The following NAB1 variants were observed in gnomAD, a reference collection of about 807,000 sequenced individuals.
NAB1 encodes NGFI-A binding protein 1.
Under a neutral mutation model 49.9 loss-of-function variants are expected in NAB1, and 25 were observed. The observed-to-expected ratio is 0.50, with a 90% CI of 0.37 to 0.70. The LOEUF (loss-of-function observed/expected upper bound fraction) is 0.70. NAB1 is among the 30% of genes least tolerant of loss of function. The probability of loss-of-function intolerance (pLI) is 0.00; values close to 1 mark genes in which losing one functional copy is unlikely to be tolerated. For missense variants in NAB1, 489 were observed against 575.9 expected, an observed-to-expected ratio of 0.85 and a Z score of 1.54; for synonymous variants, 198 against 215.6, an observed-to-expected ratio of 0.92 and a Z score of 0.71.
At chr2:190,660,240 A>G (rs1261996330) in intron 4 of NAB1, among the ~76,000 whole-genome samples, 1 of 152,242 alleles carries the variant, frequency 6.6e-6, no homozygotes, top group East Asian at 1.9e-4. Context: ...GACTTTTAGA[A>G]AAATGTCAGA....
chr2:190,658,154 GTTTC>G (rs1424377883), intron 3 of NAB1, among the ~76,000 whole-genome samples: 1 of 152,162 alleles, frequency 6.6e-6, no homozygotes, highest in East Asian at 1.9e-4. Flanking sequence ...CAAAAAGTAT[GTTTC>G]TTCCTTGGCT....
In NAB1 at chr2:190,670,778, G is replaced by A. The variant is rs10194491; in HGVS notation, c.953+319G>A. ...ATTTAGTCAGACAGCATTTATAGACGTATTTGTACACCCGCTAACTACGTG... is the reference window on the plus strand; with the variant it reads ...ATTTAGTCAGACAGCATTTATAGACATATTTGTACACCCGCTAACTACGTG... On this transcript the variant is annotated intron_variant, in intron 5 of 9. Coordinates refer to ENST00000337386, the MANE Select transcript of NAB1 (RefSeq NM_005966.4). The surrounding 1 kb of genome is among the most constrained non-coding windows in gnomAD (Gnocchi z 5.3). Among the ~76,000 whole-genome samples the A allele has an allele frequency of 4.2e-3, 630 of 151,576 alleles. 11 individuals carry two copies. The East Asian group carries it at 0.047, about 11-fold the overall frequency.
intron 6 of NAB1, 54 bp downstream of exon 6, chr2:190,673,206 G>T: frequency 6.4e-7 from 1 of 1,561,772 alleles, no homozygotes; most frequent in South Asian, 1.1e-5. Flanking sequence ...TTTGTTTTAA[G>T]ATCAAGCAAA....
rs1192150642 is a variant in NAB1 at position 190,674,272 on chromosome 2, T to C, written c.1005+1120T>C. On this transcript the variant is annotated intron_variant, in intron 6 of 9. Transcript: ENST00000337386. This position sits in a 1 kb window ranked among gnomAD's most constrained non-coding sequence, Gnocchi z 5.7. Reference sequence around the variant, plus strand: ...CTGCTGCCACACTCTCCATTCTTACTGTGTTCCAGCCGCACTGACTGACTT... The same window carrying C: ...CTGCTGCCACACTCTCCATTCTTACCGTGTTCCAGCCGCACTGACTGACTT... Among the ~76,000 whole-genome samples the C allele has an allele frequency of 2.0e-5, 3 of 152,190 alleles. No homozygotes were observed. Among genetic ancestry groups the C allele is most frequent in the Non-Finnish European group, 2.9e-5 (2 of 68,032 alleles).
Position 190,676,267 on chromosome 2 carries a change from A to T in NAB1, c.1005+3115A>T, listed in dbSNP as rs1037135968. On this transcript the variant is annotated intron_variant, in intron 6 of 9. Coordinates refer to ENST00000337386, the MANE Select transcript of NAB1 (RefSeq NM_005966.4). The surrounding 1 kb of genome is among the most constrained non-coding windows in gnomAD (Gnocchi z 4.6). Reference sequence around the variant, plus strand: ...TGGGCAAAGACAGAGGTAAGAAAATACTAAGCATGTTCAGAGAACAATAAG... The same window carrying T: ...TGGGCAAAGACAGAGGTAAGAAAATTCTAAGCATGTTCAGAGAACAATAAG... Among the ~76,000 whole-genome samples, 1 of 152,214 alleles carries T rather than the reference A, an allele frequency of 6.6e-6. No individual in the cohort carries two copies. Among genetic ancestry groups the T allele is most frequent in the Non-Finnish European group, 1.5e-5 (1 of 68,048 alleles).
chr2:190,668,690 CTATT>C (rs1394519631), intron 4 of NAB1, among the ~76,000 whole-genome samples: 2 of 151,988 alleles, frequency 1.3e-5, no homozygotes, highest in Non-Finnish European at 1.5e-5. Context: ...TGATTGCATG[CTATT>C]TATTTTTGTT....
chr2:190,658,642 G>T (rs1227217544), intron 3 of NAB1, among the ~76,000 whole-genome samples: 1 of 152,052 alleles, frequency 6.6e-6, no homozygotes, highest in Non-Finnish European at 1.5e-5. Context: ...TCCTCTGCCT[G>T]CCAGACTCAT....
Position 190,657,387 on chromosome 2 carries a change from G to A in NAB1, c.-20+1234G>A, listed in dbSNP as rs558053365. On this transcript the variant is annotated intron_variant, in intron 3 of 9. Coordinates refer to ENST00000337386, the MANE Select transcript of NAB1 (RefSeq NM_005966.4). This position sits in a 1 kb window ranked among gnomAD's most constrained non-coding sequence, Gnocchi z 4.4. ...CTGGGTCATCACAGTACCTGTAGGA[G>A]TTTGTGGTGCCCGGAGGATTTATTA... is the stretch of plus-strand genomic sequence containing the variant. 6.6e-6 allele frequency among the ~76,000 whole-genome samples: 1 copy of A among 152,328 alleles called. No individual in the cohort carries two copies. The highest frequency in any genetic ancestry group is 2.1e-4 in the South Asian group (1 of 4,822).
chr2:190,691,516 T>TC lies in NAB1; in HGVS notation c.*1188dup, dbSNP rs1453147254. Reference sequence around the variant, plus strand: ...TTTAACTTGACAGTATGTTTTTAGTTCCCCCAATTTAATTAATGGACCATG... The same window carrying TC: ...TTTAACTTGACAGTATGTTTTTAGTTCCCCCCAATTTAATTAATGGACCATG... On this transcript the variant is annotated 3_prime_UTR_variant, in exon 10 of 10. Transcript: ENST00000337386. This position sits in a 1 kb window ranked among gnomAD's most constrained non-coding sequence, Gnocchi z 4.1. 1.3e-5 allele frequency: 2 copies of TC among 152,176 alleles called. No individual in the cohort carries two copies. Among genetic ancestry groups the TC allele is most frequent in the African/African-American group, 4.8e-5 (2 of 41,462 alleles). 9.4% of individuals were successfully genotyped at this position (152,176 alleles called of 1,614,324 possible). A position where few individuals can be genotyped will look rare whatever the true frequency, so the allele number is the denominator to read the frequency against.
chr2:190,662,055 G>A (rs1173908248), intron 4 of NAB1, among the ~76,000 whole-genome samples: 1 of 152,156 alleles, frequency 6.6e-6, no homozygotes, highest in Non-Finnish European at 1.5e-5. Context: ...ATTAAAGAAT[G>A]TTGCTAGTTT....
chr2:190,669,191 A>G lies in NAB1; in HGVS notation c.820-1135A>G, dbSNP rs943985513. 6.6e-6 allele frequency among the ~76,000 whole-genome samples: 1 copy of G among 152,128 alleles called. No individual in the cohort carries two copies. The highest frequency in any genetic ancestry group is 2.4e-5 in the African/African-American group (1 of 41,438). ...AGAGTGAGATGGCACACAGTTTAAAACTTATGAATTGTTTATTTGTATAAT... is the reference window on the plus strand; with the variant it reads ...AGAGTGAGATGGCACACAGTTTAAAGCTTATGAATTGTTTATTTGTATAAT... On this transcript the variant is annotated intron_variant, in intron 4 of 9. Coordinates refer to ENST00000337386, the MANE Select transcript of NAB1 (RefSeq NM_005966.4). This position sits in a 1 kb window ranked among gnomAD's most constrained non-coding sequence, Gnocchi z 4.3.
rs1695271626 is a variant in NAB1, at chr2:190,680,331, C to CT, written c.1006-3402dup. On this transcript the variant is annotated intron_variant, in intron 6 of 9. Transcript: ENST00000337386. The surrounding 1 kb of genome is among the most constrained non-coding windows in gnomAD (Gnocchi z 5.2). ...TTTCCACCTTCCCTCACCACTCCCT[C>CT]TTTTTCAGTGTATATTGAATATTTT... Among the ~76,000 whole-genome samples the CT allele has an allele frequency of 6.6e-6, 1 of 152,234 alleles. No individual in the cohort carries two copies. Among genetic ancestry groups the CT allele is most frequent in the African/African-American group, 2.4e-5 (1 of 41,464 alleles).
At chr2:190,655,344 C>T (rs1693863780) in intron 2 of NAB1, among the ~76,000 whole-genome samples, 1 of 152,098 alleles carries the variant, frequency 6.6e-6, no homozygotes, top group Non-Finnish European at 1.5e-5. Flanking sequence ...GCTACAAATA[C>T]AGATTTGGAG....
intron 4 of NAB1, among the ~76,000 whole-genome samples, chr2:190,660,199 A>G (rs1266775639): frequency 6.6e-6 from 1 of 152,020 alleles, no homozygotes; most frequent in African/African-American, 2.4e-5. Context: ...GAACTTGAAC[A>G]TGTTTGAGCT....
chr2:190,658,916 C>T, intron 3 of NAB1: 1 of 359,960 alleles, frequency 2.8e-6, no homozygotes, highest in Non-Finnish European at 5.0e-6. Context: ...TTGGTTTGAA[C>T]CTCCAGATTC....
chr2:190,662,455 T>C (rs903991856), intron 4 of NAB1, among the ~76,000 whole-genome samples: 2 of 151,912 alleles, frequency 1.3e-5, no homozygotes, highest in African/African-American at 4.8e-5. Flanking sequence ...GTCTGTTTTA[T>C]AGGTGTCAGA....
rs1695474886 is a variant in NAB1, at chr2:190,683,827, G to A, written c.1095G>A (p.Gln365=). 1.2e-6 allele frequency: 2 copies of A among 1,610,510 alleles called. No homozygotes were observed. The highest frequency in any genetic ancestry group is 4.5e-5 in the East Asian group (2 of 44,808). Residue 365 remains glutamine (Q), a splice_region_variant and synonymous_variant, in exon 7 of 10, where the codon CAG becomes CAA. Transcript: ENST00000337386. ...AAGAACTTGCAGCTCTTAGTTCACAGGTAACATAAACTCCCAGTTATTACT... is the reference window on the plus strand; with the variant it reads ...AAGAACTTGCAGCTCTTAGTTCACAAGTAACATAAACTCCCAGTTATTACT... ...KSEELAALSS[Q]QPEKVMAKQM...
intron 9 of NAB1, among the ~76,000 whole-genome samples, chr2:190,690,003 T>TGTATACGTCTATACATATATGTATA: frequency 8.2e-4 from 1 of 1,222 alleles, no homozygotes; most frequent in Non-Finnish European, 3.3e-3. Flanking sequence ...TGCCCAGAGA[T>TGTATACGTCTATACATATATGTATA]GTATACATCT....
rs1694502081 is a variant in NAB1, at chr2:190,666,118, C to T, written c.820-4208C>T. Among the ~76,000 whole-genome samples the T allele has an allele frequency of 6.6e-6, 1 of 152,102 alleles. No individual in the cohort carries two copies. Among genetic ancestry groups the T allele is most frequent in the South Asian group, 2.1e-4 (1 of 4,820 alleles). On this transcript the variant is annotated intron_variant, in intron 4 of 9. Transcript: ENST00000337386. This position sits in a 1 kb window ranked among gnomAD's most constrained non-coding sequence, Gnocchi z 5.6. ...CATTGAGCATTTAAAAGATGATCCC[C>T]TCCCTATTTTATTTAACATTTTTAG...
Sources: gnomAD v4.1 joint callset for allele counts (sites outside exome capture counted in the v4.1 genomes callset) on GRCh38, gnomAD v4.1.1 for gene constraint, Gnocchi (gnomAD v3.1) non-coding constraint, MANE v1.5 for transcripts, NCBI Gene and HGNC (gene_info 2026-07-23, HGNC 2026-07-21) for gene names.